Variants in CEP44 observed in about 807,000 individuals in gnomAD.
The protein encoded by CEP44 is centrosomal protein 44, also known as centrosomal protein of 44 kDa.
Under a neutral mutation model 46.7 loss-of-function variants are expected in CEP44, and 45 were observed. The ratio of observed to expected loss-of-function variants is 0.96; its 90% CI spans 0.76 to 1.24. The LOEUF (loss-of-function observed/expected upper bound fraction) is 1.24. CEP44 is among the 50% of genes most tolerant of loss of function. The pLI is 0.00. For missense variants in CEP44, 475 were observed against 459.7 expected (o/e 1.03, Z -0.30); for synonymous variants, 142 against 146.0 (o/e 0.97, Z 0.20).
Position 174,325,585 on chromosome 4 carries a change from G to A in CEP44, c.1087-5897G>A, listed in dbSNP as rs1742610379. ...TGGGAAGATAACTTGAGCTGAGGAG[G>A]TTGTGGCTTCAGTGAGCTATGAATA... On this transcript the variant is annotated intron_variant, in intron 8 of 8. Coordinates refer to the CEP44 transcript ENST00000426172. This position sits in a 1 kb window ranked among gnomAD's most constrained non-coding sequence, Gnocchi z 4.4. 1.3e-5 allele frequency among the ~76,000 whole-genome samples: 2 copies of A among 152,100 alleles called. No homozygotes were observed. Among genetic ancestry groups the A allele is most frequent in the South Asian group, 4.1e-4 (2 of 4,828 alleles).
chr4:174,308,130 T>C (rs1291622469), intron 6 of CEP44, among the ~76,000 whole-genome samples: 1 of 152,118 alleles, frequency 6.6e-6, no homozygotes, highest in Non-Finnish European at 1.5e-5. Context: ...AATTGTTCTG[T>C]TGTAAAGATG....
intron 6 of CEP44, among the ~76,000 whole-genome samples, chr4:174,304,814 G>A (rs973040392): frequency 1.6e-4 from 25 of 152,262 alleles, no homozygotes; most frequent in South Asian, 4.1e-4. Flanking sequence ...GTCCCTACAC[G>A]TAGAATCTGG....
chr4:174,290,457 A>G lies in CEP44; in HGVS notation c.-148+6514A>G, dbSNP rs530482967. ...TTTGTTAAGACTTGTTTTGTGACCT[A>G]GGCTGTGATCAGTTATAGAGAATGT... On this transcript the variant is annotated intron_variant, in intron 1 of 11. Coordinates refer to ENST00000503780, the MANE Select transcript of CEP44 (RefSeq NM_001040157.3). This position sits in a 1 kb window ranked among gnomAD's most constrained non-coding sequence, Gnocchi z 4.3. Among the ~76,000 whole-genome samples, 2 of 109,964 alleles carry G rather than the reference A, an allele frequency of 1.8e-5. No homozygotes were observed. Among genetic ancestry groups the G allele is most frequent in the South Asian group, 5.7e-4 (2 of 3,538 alleles). The allele number at this position is 109,964 out of a possible 152,430, so 72.1% of individuals were successfully genotyped here. A position where few individuals can be genotyped will look rare whatever the true frequency, so the allele number is the denominator to read the frequency against.
At position 174,309,274 on chromosome 4, in the gene CEP44, A is replaced by C. The variant is rs2126631966; in HGVS notation, c.678+415A>C. Among the ~76,000 whole-genome samples the C allele has an allele frequency of 6.6e-6, 1 of 151,970 alleles. No individual in the cohort carries two copies. Reference sequence around the variant, plus strand: ...TGTTATTTTCTGTCTCTCTTAAAAAACCATTTCTATTACTCTTAATTGCCA... The same window carrying C: ...TGTTATTTTCTGTCTCTCTTAAAAACCCATTTCTATTACTCTTAATTGCCA... On this transcript the variant is annotated intron_variant, in intron 7 of 11. Coordinates refer to ENST00000503780, the MANE Select transcript of CEP44 (RefSeq NM_001040157.3). This position sits in a 1 kb window ranked among gnomAD's most constrained non-coding sequence, Gnocchi z 5.3.
intron 1 of CEP44, among the ~76,000 whole-genome samples, chr4:174,294,680 C>A (rs933908158): frequency 6.7e-6 from 1 of 149,524 alleles, no homozygotes; most frequent in Non-Finnish European, 1.5e-5. Flanking sequence ...GGGCTGACCC[C>A]CCTACCTCCC....
chr4:174,296,504 T>C (rs1001852322), intron 1 of CEP44, among the ~76,000 whole-genome samples: 2 of 152,222 alleles, frequency 1.3e-5, no homozygotes, highest in African/African-American at 4.8e-5. Flanking sequence ...ACTTGTCTTA[T>C]TTAAATTTTT....
chr4:174,331,239 GAAAA>G lies in CEP44; in HGVS notation c.1087-233_1087-230del. On this transcript the variant is annotated intron_variant, in intron 8 of 8. Coordinates refer to the CEP44 transcript ENST00000426172. This position sits in a 1 kb window ranked among gnomAD's most constrained non-coding sequence, Gnocchi z 4.5. ...TATTGCCATCACTCCTCACCAATGA[GAAAA>G]AAAAAAAAACTCTGAACATTTAGCT... Among the ~76,000 whole-genome samples the G allele has an allele frequency of 7.5e-6, 1 of 133,808 alleles. No individual in the cohort carries two copies. The highest frequency in any genetic ancestry group is 2.4e-4 in the South Asian group (1 of 4,218). 87.8% of individuals were successfully genotyped at this position (133,808 alleles called of 152,430 possible).
At position 174,285,203 on chromosome 4, in the gene CEP44, A is replaced by C. The variant is rs564548502; in HGVS notation, c.-148+1260A>C. On this transcript the variant is annotated intron_variant, in intron 1 of 11. Transcript: ENST00000503780. ...CTTTGATCAGTGCTATAAGTTGAAA[A>C]TGTTAAATTTTTAAAAGTATTTTTC... Among the ~76,000 whole-genome samples the C allele has an allele frequency of 2.6e-5, 4 of 152,320 alleles. No homozygotes were observed. In the East Asian group the frequency reaches 5.8e-4, roughly 22 times the overall value.
chr4:174,291,777 T>TTTTTC lies in CEP44; in HGVS notation c.-147-6179_-147-6175dup, dbSNP rs1194475891. Among the ~76,000 whole-genome samples the TTTTTC allele has an allele frequency of 1.8e-4, 25 of 137,982 alleles. 2 individuals carry two copies. The highest frequency in any genetic ancestry group is 2.9e-4 in the Admixed American group (4 of 13,626). 90.5% of individuals were successfully genotyped at this position (137,982 alleles called of 152,430 possible). On this transcript the variant is annotated intron_variant, in intron 1 of 11. Transcript: ENST00000503780. ...TTCATGTTTTCTTTATTCTTTTATC[T>TTTTTC]TTTTCTTTTCTTTTTTTTTTTTTTT...
In CEP44 at chr4:174,301,976, C is replaced by T; in HGVS notation, c.90-63C>T. 6.5e-6 allele frequency: 9 copies of T among 1,395,042 alleles called. No homozygotes were observed. Among genetic ancestry groups the T allele is most frequent in the East Asian group, 2.4e-5 (1 of 41,074 alleles). 86.4% of individuals were successfully genotyped at this position (1,395,042 alleles called of 1,614,324 possible). ...CATTTCTAATATTTTCTTGATTATC[C>T]AACTTTGTGGAATTATGCTTATTAA... On this transcript the variant is annotated intron_variant, in intron 3 of 11. Coordinates refer to ENST00000503780, the MANE Select transcript of CEP44 (RefSeq NM_001040157.3). This position sits in a 1 kb window ranked among gnomAD's most constrained non-coding sequence, Gnocchi z 4.3.
In CEP44 at chr4:174,304,249, TCCA is replaced by T; in HGVS notation, c.388_390del (p.Pro130del). Reference sequence around the variant, plus strand: ...TTGACTAATACCTTTTTTTTTAGATTCCATCACAACAAAGAAAGAAAATCAGTT... The same window carrying T: ...TTGACTAATACCTTTTTTTTTAGATTTCACAACAAAGAAAGAAAATCAGTT... On this transcript the variant is annotated inframe_deletion, in exon 6 of 12. Coordinates refer to ENST00000503780, the MANE Select transcript of CEP44 (RefSeq NM_001040157.3). 1.3e-6 allele frequency: 2 copies of T among 1,581,318 alleles called. No homozygotes were observed. The highest frequency in any genetic ancestry group is 2.0e-5 in the Admixed American group (1 of 49,390).
rs140528201 is a variant in CEP44, at chr4:174,301,579, G to A, written c.90-460G>A. Among the ~76,000 whole-genome samples the A allele has an allele frequency of 1.8e-4, 27 of 152,286 alleles. No individual in the cohort carries two copies. The East Asian group carries it at 5.2e-3, about 29-fold the overall frequency. ...ACTGGTCAACCAAGTCACAGTTCATGCTTTTTCCCATCCCATCTTCCTCAT... is the reference window on the plus strand; with the variant it reads ...ACTGGTCAACCAAGTCACAGTTCATACTTTTTCCCATCCCATCTTCCTCAT... On this transcript the variant is annotated intron_variant, in intron 3 of 11. Transcript: ENST00000503780. This position sits in a 1 kb window ranked among gnomAD's most constrained non-coding sequence, Gnocchi z 4.3.
chr4:174,288,039 T>A lies in CEP44; in HGVS notation c.-148+4096T>A, dbSNP rs907914848. ...GATAACACACTCAGAAGGAGAAAAT[T>A]TGGGGTGCTTTATATACAAAGGGAC... On this transcript the variant is annotated intron_variant, in intron 1 of 11. Transcript: ENST00000503780. This position sits in a 1 kb window ranked among gnomAD's most constrained non-coding sequence, Gnocchi z 4.6. Among the ~76,000 whole-genome samples the A allele has an allele frequency of 6.6e-6, 1 of 152,124 alleles. No homozygotes were observed. The highest frequency in any genetic ancestry group is 2.4e-5 in the African/African-American group (1 of 41,432).
intron 1 of CEP44, among the ~76,000 whole-genome samples, chr4:174,293,647 A>G (rs1017620016): frequency 1.3e-5 from 2 of 152,198 alleles, no homozygotes; most frequent in African/African-American, 4.8e-5. Flanking sequence ...TTAACCTTAT[A>G]TACTGTGACT....
exon 9 of CEP44, chr4:174,333,198 G>A (rs1307562977): frequency 1.3e-5 from 2 of 150,624 alleles, no homozygotes; most frequent in Non-Finnish European, 3.0e-5. Context: ...TAATTAGAGA[G>A]CGTAAAAGGA....
intron 3 of CEP44, among the ~76,000 whole-genome samples, chr4:174,300,741 T>C (rs1739614507): frequency 6.6e-6 from 1 of 152,128 alleles, no homozygotes; most frequent in African/African-American, 2.4e-5. Flanking sequence ...GATTCTTTTT[T>C]CTACTTTTTC....
chr4:174,331,612 C>G lies in CEP44; in HGVS notation c.*17C>G, dbSNP rs1455128646. 6.5e-7 allele frequency: 1 copy of G among 1,549,840 alleles called. No individual in the cohort carries two copies. Among genetic ancestry groups the G allele is most frequent in the Admixed American group, 2.0e-5 (1 of 50,896 alleles). ...TGTGTGTAATCTCTGTTTCTTGGAT[C>G]CTGTGCTTACCTTTTCCTGCTGTAC... On this transcript the variant is annotated 3_prime_UTR_variant, in exon 9 of 9. Coordinates refer to the CEP44 transcript ENST00000426172. This position sits in a 1 kb window ranked among gnomAD's most constrained non-coding sequence, Gnocchi z 4.5.
At chr4:174,294,443 C>G (rs914618392) in intron 1 of CEP44, among the ~76,000 whole-genome samples, 7 of 151,366 alleles carry the variant, frequency 4.6e-5, no homozygotes, top group African/African-American at 7.3e-5. Flanking sequence ...GTGTCTACCT[C>G]TTTCTACACA....
intron 3 of CEP44, among the ~76,000 whole-genome samples, chr4:174,300,759 T>C (rs1301496527): frequency 6.6e-6 from 1 of 152,114 alleles, no homozygotes; most frequent in Non-Finnish European, 1.5e-5. Context: ...TTCACATTTG[T>C]TATGTTTTCT....
Sources: gnomAD v4.1 joint callset for allele counts (sites outside exome capture counted in the v4.1 genomes callset) on GRCh38, gnomAD v4.1.1 for gene constraint, Gnocchi (gnomAD v3.1) non-coding constraint, MANE v1.5 for transcripts, NCBI Gene and HGNC (gene_info 2026-07-23, HGNC 2026-07-21) for gene names.